FRMPD3: variants seen among roughly 807,000 people sequenced by gnomAD.
The protein encoded by FRMPD3 is FERM and PDZ domain containing 3.
Under a neutral mutation model 97.9 loss-of-function variants are expected in FRMPD3, and 42 were observed. That is an observed-to-expected ratio of 0.43 (90% CI 0.34 to 0.55). The LOEUF is 0.55. FRMPD3 is among the 20% of genes least tolerant of loss of function. FRMPD3 has a pLI of 0.03. For missense variants in FRMPD3, 1,303 were observed against 1,457.7 expected (o/e 0.89, Z 1.73); for synonymous variants, 577 against 581.1 (o/e 0.99, Z 0.10).
At chrX:107,536,183 G>A (rs1225033601) in intron 4 of FRMPD3, among the ~76,000 whole-genome samples, 3 of 110,416 alleles carry the variant, frequency 2.7e-5, no homozygotes, top group Non-Finnish European at 5.7e-5. Flanking sequence ...ATGAGACCTC[G>A]TCTCTAAAAA....
chrX:107,560,313 T>C lies in FRMPD3; in HGVS notation c.819T>C (p.Leu273=), dbSNP rs977031017. 3 of 1,206,046 alleles carry C rather than the reference T, an allele frequency of 2.5e-6. No homozygotes were observed. Among genetic ancestry groups the C allele is most frequent in the African/African-American group, 3.6e-5 (2 of 56,326 alleles). Residue 273 remains leucine, a synonymous_variant, in exon 9 of 15, where the codon CTT becomes CTC. Transcript: ENST00000683843. ...GAATGGATCCCAAGCCAGAGATGCT[T>C]TTGGGCCTTGCTGCGCTCCACATCT... ...RFGMDPKPEM[L]LGLAALHIYI...
At chrX:107,571,526 G>A (rs1343699185) in intron 12 of FRMPD3, among the ~76,000 whole-genome samples, 12 of 112,074 alleles carry the variant, frequency 1.1e-4, no homozygotes, top group Non-Finnish European at 1.9e-4. Context: ...GCCAGCTGGG[G>A]TTGTGCTTGG....
intron 1 of FRMPD3, among the ~76,000 whole-genome samples, chrX:107,519,765 G>A (rs1922450959): frequency 9.0e-6 from 1 of 111,293 alleles, no homozygotes; most frequent in Non-Finnish European, 1.9e-5. Context: ...GCATTGGCAA[G>A]CAAGGAGGAT....
chrX:107,477,417 C>T (rs1317608009), intron 1 of FRMPD3, among the ~76,000 whole-genome samples: 4 of 112,236 alleles, frequency 3.6e-5, no homozygotes, highest in Non-Finnish European at 7.5e-5. Flanking sequence ...ACTGGCTCAC[C>T]CAGGATGGGA....
intron 13 of FRMPD3, 138 bp from the exon 14 acceptor site, chrX:107,597,183 C>G (rs1924212809): frequency 3.7e-6 from 2 of 540,713 alleles, no homozygotes; most frequent in Non-Finnish European, 6.2e-6. Context: ...TACCTCTAAT[C>G]TTTGGCAGCC....
chrX:107,552,451 A>C (rs1430520317), intron 6 of FRMPD3, among the ~76,000 whole-genome samples: 1 of 112,386 alleles, frequency 8.9e-6, no homozygotes, highest in Non-Finnish European at 1.9e-5. Flanking sequence ...AGTGCCTGGC[A>C]CTTAGTAAGC....
At chrX:107,493,062 C>T (rs778473702) in intron 1 of FRMPD3, among the ~76,000 whole-genome samples, 1 of 108,041 alleles carries the variant, frequency 9.3e-6, no homozygotes, top group African/African-American at 3.4e-5. Flanking sequence ...TGCTTGTAGT[C>T]CCAGCTGCTG....
intron 13 of FRMPD3, among the ~76,000 whole-genome samples, chrX:107,596,080 A>G (rs1388824017): frequency 1.8e-5 from 2 of 111,621 alleles, no homozygotes; most frequent in African/African-American, 6.5e-5. Flanking sequence ...GTTAGGTGCC[A>G]GTGCTGTACT....
chrX:107,530,923 CT>C (rs1922921858), intron 3 of FRMPD3, among the ~76,000 whole-genome samples: 2 of 110,456 alleles, frequency 1.8e-5, no homozygotes, highest in South Asian at 7.9e-4. Context: ...CCAGAAAAAA[CT>C]CAGAATCCCT....
chrX:107,598,433 G>A (rs1347539252), intron 14 of FRMPD3, among the ~76,000 whole-genome samples: 3 of 112,103 alleles, frequency 2.7e-5, no homozygotes, highest in African/African-American at 9.7e-5. Flanking sequence ...GGCCAGGATA[G>A]AGGATCAGAG....
chrX:107,463,958 T>C, intron 1 of FRMPD3, among the ~76,000 whole-genome samples: 1 of 112,135 alleles, frequency 8.9e-6, no homozygotes, highest in Non-Finnish European at 1.9e-5. Context: ...AGTCCTGAGT[T>C]TGGGGCCACC....
At chrX:107,563,609 T>C (rs1335776508) in intron 11 of FRMPD3, among the ~76,000 whole-genome samples, 1 of 112,577 alleles carries the variant, frequency 8.9e-6, no homozygotes, top group African/African-American at 3.2e-5. Flanking sequence ...ATACGAAAAT[T>C]TGAATTTCAT....
chrX:107,462,429 T>G (rs1313930650), intron 1 of FRMPD3, among the ~76,000 whole-genome samples: 3 of 112,080 alleles, frequency 2.7e-5, no homozygotes, highest in Non-Finnish European at 5.6e-5. Context: ...GGCTGTATCT[T>G]CCGCACCCTC....
At chrX:107,480,895 G>GGAAAGAAAGAAAGAAA (rs59050601) in intron 1 of FRMPD3, among the ~76,000 whole-genome samples, 22 of 60,601 alleles carry the variant, frequency 3.6e-4, no homozygotes, top group Admixed American at 2.4e-3. Flanking sequence ...AAGGAAGGAA[G>GGAAAGAAAGAAAGAAA]GAAAGAAAGA....
chrX:107,589,903 C>G (rs1353054036), intron 13 of FRMPD3, among the ~76,000 whole-genome samples: 2 of 112,511 alleles, frequency 1.8e-5, no homozygotes, highest in African/African-American at 6.5e-5. Context: ...GTAATCCCAG[C>G]ACTTTGGGAG....
chrX:107,462,224 G>GTCT (rs1212618052), intron 1 of FRMPD3, among the ~76,000 whole-genome samples: 1 of 111,978 alleles, frequency 8.9e-6, no homozygotes, highest in Non-Finnish European at 1.9e-5. Context: ...AATCTGAACA[G>GTCT]TCTTTCCACC....
chrX:107,597,702 T>C lies in FRMPD3; in HGVS notation c.1823T>C (p.Leu608Pro), dbSNP rs1311921718. The change falls in exon 14 of 15, where the codon CTG becomes CCG. Residue 608 changes from leucine (L) to proline (P), a missense_variant. Coordinates refer to ENST00000683843, the MANE Select transcript of FRMPD3 (RefSeq NM_001388459.1). ...GACAATTCCCTTGGGGCTGAAGCCCTGAATTTCTACTGTGACTCTTGCAAA... is the reference window on the plus strand; with the variant it reads ...GACAATTCCCTTGGGGCTGAAGCCCCGAATTTCTACTGTGACTCTTGCAAA... ...TLDNSLGAEALNFYCDSCKAK... is the reference protein window; with the variant it reads ...TLDNSLGAEAPNFYCDSCKAK... 4 of 1,207,391 alleles carry C rather than the reference T, an allele frequency of 3.3e-6. No homozygotes were observed. The African/African-American group carries it at 5.3e-5, about 16-fold the overall frequency.
chrX:107,579,781 A>G (rs1197002288), intron 13 of FRMPD3, among the ~76,000 whole-genome samples: 2 of 111,179 alleles, frequency 1.8e-5, no homozygotes, highest in Admixed American at 1.9e-4. Context: ...ATCCAGGAAA[A>G]AAAGGCTTTG....
chrX:107,600,950 A>G lies in FRMPD3; in HGVS notation c.2911A>G (p.Thr971Ala). The G allele has an allele frequency of 8.3e-7, 1 of 1,208,862 alleles. No individual in the cohort carries two copies. Among genetic ancestry groups the G allele is most frequent in the East Asian group, 3.0e-5 (1 of 33,758 alleles). Residue 971 changes from threonine to alanine, a missense_variant, in exon 15 of 15, where the codon ACT becomes GCT. By Grantham distance (58) the Thr-to-Ala change is moderately conservative (BLOSUM62 0). Coordinates refer to ENST00000683843, the MANE Select transcript of FRMPD3 (RefSeq NM_001388459.1). ...QQVVHNKSLV[T>A]AGGALGNPPS... ...AGTGGTTCACAATAAGAGTCTAGTC[A>G]CTGCTGGTGGGGCTTTGGGGAACCC...
Sources: gnomAD v4.1 joint callset for allele counts (sites outside exome capture counted in the v4.1 genomes callset) on GRCh38, gnomAD v4.1.1 for gene constraint, MANE v1.5 for transcripts, NCBI Gene and HGNC (gene_info 2026-07-23, HGNC 2026-07-21) for gene names.